VTI1A: variants seen among roughly 807,000 people sequenced by gnomAD.
VTI1A encodes the protein vesicle transport through interaction with t-SNAREs homolog 1A.
A neutral mutation model predicts 34.9 loss-of-function variants in VTI1A; 22 were observed. The observed-to-expected ratio is 0.63, with a 90% confidence interval of 0.45 to 0.90. VTI1A has a LOEUF of 0.90. Ranked by LOEUF, VTI1A falls within the 40% of genes least tolerant of loss-of-function variation. The pLI is 0.00. For synonymous variants in VTI1A, 87 were observed against 97.3 expected (o/e 0.89, Z 0.62); for missense variants, 268 against 275.6 (o/e 0.97, Z 0.20).
chr10:112,687,406 T>G (rs1301608571), intron 7 of VTI1A, among the ~76,000 whole-genome samples: 1 of 151,380 alleles, frequency 6.6e-6, no homozygotes. Context: ...GCTAATTTTT[T>G]GTATTTTTAG....
intron 7 of VTI1A, among the ~76,000 whole-genome samples, chr10:112,757,993 C>T (rs1851344707): frequency 1.3e-5 from 2 of 152,106 alleles, no homozygotes; most frequent in African/African-American, 4.8e-5. Context: ...TACAATTTTT[C>T]GTGATTATAA....
chr10:112,731,924 C>G (rs1199047540), intron 7 of VTI1A, among the ~76,000 whole-genome samples: 1 of 152,120 alleles, frequency 6.6e-6, no homozygotes, highest in Non-Finnish European at 1.5e-5. Flanking sequence ...GAGGCATTAA[C>G]TATTTTTTAA....
chr10:112,839,638 G>T, the VTI1A span, among the ~76,000 whole-genome samples: 10 of 152,290 alleles, frequency 6.6e-5, no homozygotes, highest in South Asian at 1.7e-3. Flanking sequence ...GCCCCAAAGG[G>T]CGATTCTGAG....
intron 7 of VTI1A, among the ~76,000 whole-genome samples, chr10:112,730,980 G>A (rs1306473762): frequency 6.6e-6 from 1 of 152,046 alleles, no homozygotes; most frequent in African/African-American, 2.4e-5. Context: ...ATTAGTCTGG[G>A]TAATATATAA....
At chr10:112,477,900 G>A (rs1848327784) in intron 3 of VTI1A, among the ~76,000 whole-genome samples, 1 of 152,072 alleles carries the variant, frequency 6.6e-6, no homozygotes, top group East Asian at 1.9e-4. Flanking sequence ...TTCATCTGAA[G>A]TAAGGCTAGA....
intron 7 of VTI1A, among the ~76,000 whole-genome samples, chr10:112,694,925 C>T (rs931031444): frequency 1.3e-5 from 2 of 152,156 alleles, no homozygotes; most frequent in African/African-American, 2.4e-5. Flanking sequence ...GCTGAGATCA[C>T]ACCACTTCAC....
chr10:112,839,029 C>T, the VTI1A span, among the ~76,000 whole-genome samples: 1 of 152,202 alleles, frequency 6.6e-6, no homozygotes, highest in Non-Finnish European at 1.5e-5. Flanking sequence ...CAGCTCAGCC[C>T]AAGGAGGGGG....
intron 7 of VTI1A, among the ~76,000 whole-genome samples, chr10:112,671,427 C>G (rs1847841347): frequency 6.6e-6 from 1 of 152,172 alleles, no homozygotes; most frequent in African/African-American, 2.4e-5. Context: ...GAGCATTTAC[C>G]TGCATATAAC....
chr10:112,711,959 A>G (rs946190941), intron 7 of VTI1A, among the ~76,000 whole-genome samples: 10 of 152,148 alleles, frequency 6.6e-5, no homozygotes, highest in Non-Finnish European at 8.8e-5. Context: ...TGACACATTC[A>G]TAGTCTCAGG....
At chr10:112,523,330 A>T (rs1295324167) in intron 3 of VTI1A, among the ~76,000 whole-genome samples, 1 of 152,102 alleles carries the variant, frequency 6.6e-6, no homozygotes, top group Admixed American at 6.6e-5. Context: ...TGAATCCGAA[A>T]TTCTCGCATT....
chr10:112,784,473 G>T (rs945137051), intron 7 of VTI1A, among the ~76,000 whole-genome samples: 9 of 152,140 alleles, frequency 5.9e-5, no homozygotes, highest in African/African-American at 2.2e-4. Flanking sequence ...CTTTTATTAT[G>T]ATAACATAAA....
At chr10:112,766,921 A>T (rs1215703614) in intron 7 of VTI1A, among the ~76,000 whole-genome samples, 1 of 152,248 alleles carries the variant, frequency 6.6e-6, no homozygotes, top group East Asian at 1.9e-4. Flanking sequence ...CAAAAGAAAT[A>T]AGATCCGTGC....
At chr10:112,606,917 A>C (rs1337075300) in intron 5 of VTI1A, among the ~76,000 whole-genome samples, 1 of 152,198 alleles carries the variant, frequency 6.6e-6, no homozygotes, top group Admixed American at 6.5e-5. Flanking sequence ...CTTTATGTCA[A>C]GTGCTTTACA....
intron 7 of VTI1A, among the ~76,000 whole-genome samples, chr10:112,727,742 C>A (rs1030943124): frequency 1.3e-5 from 2 of 151,982 alleles, no homozygotes; most frequent in African/African-American, 2.4e-5. Flanking sequence ...ACTTAATTGA[C>A]AGAATAAGAG....
intron 5 of VTI1A, among the ~76,000 whole-genome samples, chr10:112,557,942 A>G (rs1851591548): frequency 6.6e-6 from 1 of 152,218 alleles, no homozygotes; most frequent in Non-Finnish European, 1.5e-5. Flanking sequence ...AATTAGAAAC[A>G]GATAAGAACA....
At chr10:112,560,798 T>C (rs1356972760) in intron 5 of VTI1A, among the ~76,000 whole-genome samples, 2 of 152,066 alleles carry the variant, frequency 1.3e-5, no homozygotes, top group Non-Finnish European at 2.9e-5. Context: ...GGTTTCACCA[T>C]GTTGGCCAGG....
intron 7 of VTI1A, among the ~76,000 whole-genome samples, chr10:112,709,815 CA>C: frequency 6.7e-6 from 1 of 149,704 alleles, no homozygotes; most frequent in Admixed American, 6.7e-5. Context: ...CTCGGCCTCC[CA>C]GGTAGGTGGG....
At chr10:112,692,077 T>C (rs910400746) in intron 7 of VTI1A, among the ~76,000 whole-genome samples, 1 of 152,236 alleles carries the variant, frequency 6.6e-6, no homozygotes, top group Non-Finnish European at 1.5e-5. Context: ...CTCTGGAATG[T>C]GGCTTTTCAT....
At chr10:112,793,913 T>C (rs1852581929) in intron 7 of VTI1A, among the ~76,000 whole-genome samples, 1 of 152,236 alleles carries the variant, frequency 6.6e-6, no homozygotes, top group Admixed American at 6.5e-5. Context: ...TGACCTCTGA[T>C]GGTTTGCAGT....
Sources: allele counts gnomAD v4.1 joint callset (sites outside exome capture counted in the v4.1 genomes callset), GRCh38; gene constraint gnomAD v4.1.1; transcripts MANE v1.5; gene names NCBI Gene and HGNC (gene_info 2026-07-23, HGNC 2026-07-21).